Variants in MRPS27 observed in about 807,000 individuals in gnomAD.
The protein encoded by MRPS27 is mitochondrial ribosomal protein S27.
A neutral mutation model predicts 48.9 loss-of-function variants in MRPS27; 43 were observed. That is an observed-to-expected ratio of 0.88 (90% CI 0.69 to 1.13). The LOEUF (loss-of-function observed/expected upper bound fraction) is 1.13, where lower values mean the gene tolerates loss of function less well. MRPS27 is among the 50% of genes most tolerant of loss of function. The pLI, the probability that MRPS27 is intolerant of heterozygous loss-of-function variation, is 0.00. For missense variants in MRPS27, 467 were observed against 476.3 expected, an observed-to-expected ratio of 0.98 and a Z score of 0.18; for synonymous variants, 188 against 171.9, an observed-to-expected ratio of 1.09 and a Z score of -0.73.
intron 4 of MRPS27, among the ~76,000 whole-genome samples, chr5:72,265,957 C>T (rs1039832712): frequency 3.0e-4 from 46 of 152,070 alleles, no homozygotes; most frequent in South Asian, 4.1e-4. Context: ...ATTTGAAATT[C>T]GTTAATGGTT....
At chr5:72,313,982 C>G (rs1280305998) in intron 2 of MRPS27, 99 bp downstream of exon 2, 1 of 889,642 alleles carries the variant, frequency 1.1e-6, no homozygotes, top group African/African-American at 1.7e-5. Flanking sequence ...ATTGAAACAT[C>G]ATAAAAGCAT....
In MRPS27 at chr5:72,297,377, T is replaced by G. The variant is rs1052806442; in HGVS notation, c.222+255A>C. ...TGGTATCATACAGCAGAATGTCATA[T>G]CCTGGAAAAAATAAATCAGATACAC... On this transcript the variant is annotated intron_variant, in intron 3 of 10. Coordinates refer to ENST00000261413, the MANE Select transcript of MRPS27 (RefSeq NM_015084.3). Among the ~76,000 whole-genome samples, 4 of 152,148 alleles carry G rather than the reference T, an allele frequency of 2.6e-5. 1 individual carries two copies. The South Asian group carries it at 8.3e-4, about 32-fold the overall frequency.
chr5:72,225,114 G>A (rs1239984388), intron 9 of MRPS27, among the ~76,000 whole-genome samples: 2 of 152,168 alleles, frequency 1.3e-5, no homozygotes, highest in Non-Finnish European at 2.9e-5. Flanking sequence ...ATAATTTTGT[G>A]TTTTCAATTA....
At chr5:72,302,698 G>C (rs186958649) in intron 2 of MRPS27, among the ~76,000 whole-genome samples, 1 of 152,204 alleles carries the variant, frequency 6.6e-6, no homozygotes, top group East Asian at 1.9e-4. Context: ...CCCTTTGAGG[G>C]GAGCAGTCCT....
At chr5:72,225,292 C>A (rs1747861443) in intron 9 of MRPS27, among the ~76,000 whole-genome samples, 1 of 152,172 alleles carries the variant, frequency 6.6e-6, no homozygotes, top group Non-Finnish European at 1.5e-5. Flanking sequence ...AGGGATGACT[C>A]TAGCAACCAG....
intron 4 of MRPS27, chr5:72,294,822 T>C (rs977095018): frequency 2.6e-5 from 4 of 152,014 alleles, no homozygotes; most frequent in Non-Finnish European, 5.9e-5. Context: ...GAGATATACA[T>C]ACAGATTGAG....
intron 4 of MRPS27, among the ~76,000 whole-genome samples, chr5:72,253,324 T>G (rs918292059): frequency 7.2e-5 from 11 of 152,248 alleles, no homozygotes; most frequent in South Asian, 4.1e-4. Context: ...TAAGCACATA[T>G]GATCAATCTA....
At chr5:72,278,859 TAA>T (rs1238573696) in intron 4 of MRPS27, among the ~76,000 whole-genome samples, 2 of 152,072 alleles carry the variant, frequency 1.3e-5, no homozygotes, top group African/African-American at 2.4e-5. Context: ...TATTCCATTG[TAA>T]AAAAAAGTCT....
intron 1 of MRPS27, among the ~76,000 whole-genome samples, chr5:72,316,194 G>A (rs1398253944): frequency 6.6e-6 from 1 of 152,228 alleles, no homozygotes; most frequent in Non-Finnish European, 1.5e-5. Context: ...GTAGATTCAT[G>A]GTTGCTAAGG....
Position 72,267,893 on chromosome 5 carries a change from T to G in MRPS27, c.281+27638A>C, listed in dbSNP as rs906525670. Among the ~76,000 whole-genome samples the G allele has an allele frequency of 2.0e-5, 3 of 152,226 alleles. No homozygotes were observed. In the South Asian group the frequency reaches 6.2e-4, roughly 32 times the overall value. On this transcript the variant is annotated intron_variant, in intron 4 of 10. Coordinates refer to ENST00000261413, the MANE Select transcript of MRPS27 (RefSeq NM_015084.3). ...TCCAAATAAATGTTCAGGGAACTTATGTGAATCACTGCAGAATACTTGGCC... is the reference window on the plus strand; with the variant it reads ...TCCAAATAAATGTTCAGGGAACTTAGGTGAATCACTGCAGAATACTTGGCC...
At chr5:72,269,527 G>A (rs1199944369) in intron 4 of MRPS27, among the ~76,000 whole-genome samples, 1 of 152,156 alleles carries the variant, frequency 6.6e-6, no homozygotes, top group African/African-American at 2.4e-5. Context: ...AATTAAAACA[G>A]GTATGATGCT....
At chr5:72,232,385 C>T (rs1464773203) in intron 7 of MRPS27, 58 bp downstream of exon 7, 7 of 1,310,366 alleles carry the variant, frequency 5.3e-6, no homozygotes, top group Non-Finnish European at 7.5e-6. Flanking sequence ...CTTTTGAGAG[C>T]AAGCCCCTGC....
chr5:72,285,934 G>A (rs542898910), intron 4 of MRPS27, among the ~76,000 whole-genome samples: 31 of 152,170 alleles, frequency 2.0e-4, no homozygotes, highest in Middle Eastern at 6.8e-3. Flanking sequence ...AAAATTTCCC[G>A]TATAAACAGA....
At chr5:72,242,747 G>GC (rs1327350920) in intron 4 of MRPS27, among the ~76,000 whole-genome samples, 2 of 150,520 alleles carry the variant, frequency 1.3e-5, no homozygotes, top group African/African-American at 4.9e-5. Context: ...AAAAATAGGG[G>GC]GGAAAAAAAA....
chr5:72,244,156 A>G (rs1359896615), intron 4 of MRPS27, among the ~76,000 whole-genome samples: 1 of 152,148 alleles, frequency 6.6e-6, no homozygotes, highest in Non-Finnish European at 1.5e-5. Flanking sequence ...TGAGCCCTAC[A>G]TATAGTCATT....
chr5:72,228,681 A>G (rs1423900159), intron 7 of MRPS27: 1 of 221,650 alleles, frequency 4.5e-6, no homozygotes, highest in Non-Finnish European at 8.8e-6. Context: ...TTTTACAATC[A>G]GAAAAGCAAA....
At chr5:72,241,915 A>G (rs949624697) in intron 4 of MRPS27, among the ~76,000 whole-genome samples, 2 of 152,228 alleles carry the variant, frequency 1.3e-5, no homozygotes, top group African/African-American at 4.8e-5. Flanking sequence ...ATAGGCAAAC[A>G]TGTGAGTGTA....
chr5:72,281,778 T>C (rs570880385), intron 4 of MRPS27, among the ~76,000 whole-genome samples: 1 of 152,350 alleles, frequency 6.6e-6, no homozygotes, highest in South Asian at 2.1e-4. Context: ...TCTATACGTA[T>C]GAGATGCACA....
intron 3 of MRPS27, among the ~76,000 whole-genome samples, chr5:72,296,540 G>A (rs941063756): frequency 6.6e-6 from 1 of 152,120 alleles, no homozygotes; most frequent in Admixed American, 6.5e-5. Context: ...ATGAGAAAAT[G>A]TACATAAAAA....
Sources: allele counts gnomAD v4.1 joint callset (sites outside exome capture counted in the v4.1 genomes callset), GRCh38; gene constraint gnomAD v4.1.1; transcripts MANE v1.5; gene names NCBI Gene and HGNC (gene_info 2026-07-23, HGNC 2026-07-21).